SCD: variants seen among roughly 807,000 people sequenced by gnomAD.
SCD encodes the protein acyl-CoA desaturase.
A neutral mutation model predicts 35.7 loss-of-function variants in SCD; 4 were observed. That is an observed-to-expected ratio of 0.11 (90% CI 0.06 to 0.26). The LOEUF is 0.26. Among genes scored for constraint, SCD ranks in the 10% least tolerant of loss-of-function variants. The probability of loss-of-function intolerance (pLI) is 1.00; values close to 1 mark genes in which losing one functional copy is unlikely to be tolerated. For synonymous variants in SCD, 150 were observed against 170.2 expected (o/e 0.88, Z 0.92); for missense variants, 282 against 460.7 (o/e 0.61, Z 3.55).
intron 5 of SCD, among the ~76,000 whole-genome samples, chr10:100,357,172 A>T (rs953278262): frequency 2.0e-5 from 3 of 152,162 alleles, no homozygotes; most frequent in East Asian, 1.9e-4. Context: ...ACAAACAAAC[A>T]AAAAAGAAAA....
Position 100,352,279 on chromosome 10 carries a change from TTCTAGCATCCAGAGAGTGTC to T in SCD, c.311-83_311-64del. On this transcript the variant is annotated intron_variant, in intron 2 of 5. Coordinates refer to ENST00000370355, the MANE Select transcript of SCD (RefSeq NM_005063.5). This position sits in a 1 kb window ranked among gnomAD's most constrained non-coding sequence, Gnocchi z 4.2. Reference sequence around the variant, plus strand: ...TCACCCAAAGCCTGACGAAGACAGTTTCTAGCATCCAGAGAGTGTCTCTGGCATCCTTTCCCAGATGGAAC... The same window carrying T: ...TCACCCAAAGCCTGACGAAGACAGTTTCTGGCATCCTTTCCCAGATGGAAC... The T allele has an allele frequency of 7.2e-7, 1 of 1,394,800 alleles. No individual in the cohort carries two copies. The highest frequency in any genetic ancestry group is 9.9e-7 in the Non-Finnish European group (1 of 1,009,546). The allele number at this position is 1,394,800 out of a possible 1,614,324, so 86.4% of individuals were successfully genotyped here.
In SCD at chr10:100,363,747, C is replaced by T. The variant is rs1056901; in HGVS notation, c.*2814C>T. 8,280 of 152,618 alleles carry T rather than the reference C, an allele frequency of 0.054. 313 individuals are homozygous for T. Among genetic ancestry groups the T allele is most frequent in the South Asian group, 0.12 (563 of 4,818 alleles). 9.5% of individuals were successfully genotyped at this position (152,618 alleles called of 1,614,324 possible). Reference sequence around the variant, plus strand: ...GAGTGTGTCTGCTGAGTAAGGAACACGATTTTCAAGATTCTAAAGCTCAAT... The same window carrying T: ...GAGTGTGTCTGCTGAGTAAGGAACATGATTTTCAAGATTCTAAAGCTCAAT... On this transcript the variant is annotated 3_prime_UTR_variant, in exon 6 of 6. Transcript: ENST00000370355.
At chr10:100,359,876 C>G (rs1009066050) in intron 5 of SCD, among the ~76,000 whole-genome samples, 2 of 152,192 alleles carry the variant, frequency 1.3e-5, no homozygotes, top group Non-Finnish European at 2.9e-5. Flanking sequence ...AAGCTTTACA[C>G]GTTAGAGAAA....
intron 5 of SCD, among the ~76,000 whole-genome samples, chr10:100,357,692 C>T (rs986424470): frequency 6.6e-6 from 1 of 152,028 alleles, no homozygotes; most frequent in African/African-American, 2.4e-5. Flanking sequence ...GACAGGGTCT[C>T]ACCATGGTGC....
At chr10:100,358,132 T>C (rs1849947696) in intron 5 of SCD, among the ~76,000 whole-genome samples, 1 of 152,124 alleles carries the variant, frequency 6.6e-6, no homozygotes, top group African/African-American at 2.4e-5. Flanking sequence ...CCCAAGTAAC[T>C]GGGATTACAG....
intron 2 of SCD, 145 bp downstream of exon 2, chr10:100,348,491 C>T: frequency 1.3e-6 from 1 of 795,790 alleles, no homozygotes; most frequent in Non-Finnish European, 2.0e-6. Flanking sequence ...TGCTTCAGGC[C>T]TAGTGGGCTG....
chr10:100,358,664 T>C (rs1322314819), intron 5 of SCD, among the ~76,000 whole-genome samples: 3 of 149,268 alleles, frequency 2.0e-5, no homozygotes, highest in Admixed American at 2.0e-4. Context: ...ATCCCAGCAC[T>C]TTGGGAAGCC....
rs1564624512 is a variant in SCD at position 100,348,057 on chromosome 10, CT to C, written c.28-5del. ...TCTCCTGACTCTCCTCTTCCTCCCC[CT>C]TCCAGATCTCTAGCTCCTATACCAC... On this transcript the variant is annotated splice_polypyrimidine_tract_variant and splice_region_variant and intron_variant, in intron 1 of 5. Coordinates refer to ENST00000370355, the MANE Select transcript of SCD (RefSeq NM_005063.5). 2 of 1,612,364 alleles carry C rather than the reference CT, an allele frequency of 1.2e-6. No homozygotes were observed. Among genetic ancestry groups the C allele is most frequent in the Non-Finnish European group, 1.7e-6 (2 of 1,179,088 alleles).
rs1589698568 is a variant in SCD at position 100,352,622 on chromosome 10, T to A, written c.441+126T>A. On this transcript the variant is annotated intron_variant, in intron 3 of 5. Coordinates refer to ENST00000370355, the MANE Select transcript of SCD (RefSeq NM_005063.5). This position sits in a 1 kb window ranked among gnomAD's most constrained non-coding sequence, Gnocchi z 4.2. ...CATTTCACTTTCCTCTCTCCTGTAG[T>A]CACCTCAAGTTCCAGTTCAGTCCTT... The A allele has an allele frequency of 6.9e-6, 6 of 870,420 alleles. No individual in the cohort carries two copies. The highest frequency in any genetic ancestry group is 1.1e-5 in the Non-Finnish European group (6 of 550,696). The allele number at this position is 870,420 out of a possible 1,614,324, so 53.9% of individuals were successfully genotyped here. A position where few individuals can be genotyped will look rare whatever the true frequency, so the allele number is the denominator to read the frequency against.
At chr10:100,347,823 C>T (rs924117206) in intron 1 of SCD, among the ~76,000 whole-genome samples, 1 of 152,212 alleles carries the variant, frequency 6.6e-6, no homozygotes, top group East Asian at 1.9e-4. Context: ...CTCCTTCCTA[C>T]TGCCGCCTCC....
At position 100,363,065 on chromosome 10, in the gene SCD, G is replaced by A. The variant is rs200591724; in HGVS notation, c.*2132G>A. The A allele has an allele frequency of 1.3e-5, 2 of 152,260 alleles. No individual in the cohort carries two copies. The highest frequency in any genetic ancestry group is 2.9e-5 in the Non-Finnish European group (2 of 68,078). 9.4% of individuals were successfully genotyped at this position (152,260 alleles called of 1,614,324 possible). ...GGCAAGAACCCAAGTGCCTCACCTC[G>A]AAAGGAGGCCCTGTTCCCTGGAGTC... On this transcript the variant is annotated 3_prime_UTR_variant, in exon 6 of 6. Coordinates refer to ENST00000370355, the MANE Select transcript of SCD (RefSeq NM_005063.5).
chr10:100,358,071 C>T (rs1388576284), intron 5 of SCD, among the ~76,000 whole-genome samples: 1 of 152,138 alleles, frequency 6.6e-6, no homozygotes. Flanking sequence ...GTGATCACAG[C>T]TCACTGCAGC....
chr10:100,348,928 C>T (rs961242161), intron 2 of SCD, among the ~76,000 whole-genome samples: 2 of 152,216 alleles, frequency 1.3e-5, no homozygotes, highest in African/African-American at 4.8e-5. Context: ...CCGTGCAACC[C>T]AAGTCACACA....
intron 5 of SCD, among the ~76,000 whole-genome samples, chr10:100,360,131 C>T (rs1849974809): frequency 6.6e-6 from 1 of 152,194 alleles, no homozygotes; most frequent in Admixed American, 6.5e-5. Flanking sequence ...GCTGCAGGGC[C>T]CACTCTTTTG....
rs759965001 is a variant in SCD, at chr10:100,352,458, C to T, written c.403C>T (p.Arg135Trp). ...HRSYKARLPL[R>W]LFLIIANTMA... ...CTCTTACAAAGCTCGGCTGCCCCTA[C>T]GGCTCTTTCTGATCATTGCCAACAC... Residue 135 changes from arginine (R) to tryptophan (W), a missense_variant, in exon 3 of 6, where the codon CGG (arginine) becomes TGG (tryptophan). Transcript: ENST00000370355. The surrounding 1 kb of genome is among the most constrained non-coding windows in gnomAD (Gnocchi z 4.2). 1.9e-6 allele frequency: 3 copies of T among 1,614,058 alleles called. No individual in the cohort carries two copies. Among genetic ancestry groups the T allele is most frequent in the Non-Finnish European group, 2.5e-6 (3 of 1,180,004 alleles).
chr10:100,347,982 C>T lies in SCD; in HGVS notation c.28-82C>T, dbSNP rs1460202555. ...AAGGGTCCGTACTGTCCACCCTTCCCCCAGCGTGATTAGAGAGCGGAGTGG... is the reference window on the plus strand; with the variant it reads ...AAGGGTCCGTACTGTCCACCCTTCCTCCAGCGTGATTAGAGAGCGGAGTGG... On this transcript the variant is annotated intron_variant, in intron 1 of 5. Transcript: ENST00000370355. 2.9e-6 allele frequency: 4 copies of T among 1,397,776 alleles called. No homozygotes were observed. The South Asian group carries it at 3.8e-5, about 13-fold the overall frequency. The allele number at this position is 1,397,776 out of a possible 1,614,324, so 86.6% of individuals were successfully genotyped here.
intron 4 of SCD, among the ~76,000 whole-genome samples, chr10:100,355,083 G>A (rs1313627168): frequency 1.3e-5 from 2 of 152,090 alleles, no homozygotes; most frequent in Non-Finnish European, 2.9e-5. Flanking sequence ...GGCACACACC[G>A]CCATGCCTGG....
At chr10:100,355,017 A>T (rs1849913363) in intron 4 of SCD, among the ~76,000 whole-genome samples, 1 of 152,078 alleles carries the variant, frequency 6.6e-6, no homozygotes, top group African/African-American at 2.4e-5. Flanking sequence ...TGCAGCCTTG[A>T]CTTCCCAGGC....
chr10:100,358,490 G>A (rs1297133028), intron 5 of SCD, among the ~76,000 whole-genome samples: 1 of 151,182 alleles, frequency 6.6e-6, no homozygotes, highest in Non-Finnish European at 1.5e-5. Flanking sequence ...TACTTGGGAG[G>A]CTGAGGCAGG....
Sources: allele counts gnomAD v4.1 joint callset (sites outside exome capture counted in the v4.1 genomes callset), GRCh38; gene constraint gnomAD v4.1.1; non-coding constraint Gnocchi (gnomAD v3.1); transcripts MANE v1.5; gene names NCBI Gene and HGNC (gene_info 2026-07-23, HGNC 2026-07-21).